The following LPP variants were observed in gnomAD, a reference collection of about 807,000 sequenced individuals.
LPP encodes the protein lipoma-preferred partner.
A neutral mutation model predicts 60.4 loss-of-function variants in LPP; 38 were observed. The observed-to-expected ratio is 0.63, with a 90% CI of 0.49 to 0.83. The LOEUF (loss-of-function observed/expected upper bound fraction) is 0.83. LPP is among the 40% of genes least tolerant of loss of function. The probability of loss-of-function intolerance (pLI) is 0.00; values close to 1 mark genes in which losing one functional copy is unlikely to be tolerated. For missense variants in LPP, 902 were observed against 783.6 expected (o/e 1.15, Z -1.80); for synonymous variants, 328 against 290.8 (o/e 1.13, Z -1.30).
intron 2 of LPP, among the ~76,000 whole-genome samples, chr3:188,285,049 T>C (rs1317895941): frequency 6.6e-6 from 1 of 151,974 alleles, no homozygotes; most frequent in Non-Finnish European, 1.5e-5. Context: ...AAACAGGGCA[T>C]GTGAGGTCAG....
chr3:188,741,247 G>T (rs546371001), intron 8 of LPP, among the ~76,000 whole-genome samples: 2 of 151,410 alleles, frequency 1.3e-5, no homozygotes, highest in African/African-American at 4.8e-5. Flanking sequence ...TTGAATTGGG[G>T]GGGGAAGGGA....
chr3:188,155,035 A>G (rs557418357), intron 1 of LPP, among the ~76,000 whole-genome samples: 1 of 152,270 alleles, frequency 6.6e-6, no homozygotes, highest in Non-Finnish European at 1.5e-5. Flanking sequence ...CGTGGGCCAG[A>G]GAAGACTAAG....
chr3:188,173,525 C>T (rs935843587), intron 1 of LPP, among the ~76,000 whole-genome samples: 5 of 148,762 alleles, frequency 3.4e-5, no homozygotes, highest in Non-Finnish European at 7.5e-5. Flanking sequence ...ACAAAAAAAA[C>T]AAACAAAAAA....
chr3:188,754,577 A>C (rs1038108911), intron 8 of LPP, among the ~76,000 whole-genome samples: 1 of 152,076 alleles, frequency 6.6e-6, no homozygotes, highest in Non-Finnish European at 1.5e-5. Context: ...TCACCTGGAG[A>C]GTTTTAAAAG....
At chr3:188,286,470 C>G (rs1743951490) in intron 2 of LPP, among the ~76,000 whole-genome samples, 1 of 152,158 alleles carries the variant, frequency 6.6e-6, no homozygotes, top group South Asian at 2.1e-4. Flanking sequence ...CCTCTCGGAT[C>G]CTCTATTTCC....
rs569552043 is a variant in LPP at position 188,349,032 on chromosome 3, C to G, written c.-10+7313C>G. ...GTCAAACTGGGATTGGATTCTAAGT[C>G]TTTCTGATCCAAAGTCCATGTTCTT... On this transcript the variant is annotated intron_variant, in intron 3 of 11. Transcript: ENST00000617246. Among the ~76,000 whole-genome samples, 460 of 152,284 alleles carry G rather than the reference C, an allele frequency of 3.0e-3. 3 individuals are homozygous for G. Among genetic ancestry groups the G allele is most frequent in the Non-Finnish European group, 5.5e-3 (371 of 68,022 alleles).
intron 9 of LPP, among the ~76,000 whole-genome samples, chr3:188,769,496 C>CA (rs1334204084): frequency 6.6e-6 from 1 of 152,210 alleles, no homozygotes; most frequent in African/African-American, 2.4e-5. Context: ...CCTAGCTGAA[C>CA]ATAACCCTTT....
chr3:188,711,535 G>A (rs1711518237), intron 8 of LPP: 1 of 151,990 alleles, frequency 6.6e-6, no homozygotes, highest in Non-Finnish European at 1.5e-5. Context: ...TGGACAGATG[G>A]GAAATAAGAG....
intron 3 of LPP, among the ~76,000 whole-genome samples, chr3:188,388,440 T>C (rs1778884280): frequency 6.6e-6 from 1 of 152,186 alleles, no homozygotes; most frequent in Non-Finnish European, 1.5e-5. Context: ...GGGACCATCC[T>C]AGCCAGATGC....
At chr3:188,166,529 A>G (rs1250189821) in intron 1 of LPP, among the ~76,000 whole-genome samples, 1 of 152,236 alleles carries the variant, frequency 6.6e-6, no homozygotes, top group East Asian at 1.9e-4. Context: ...TTTCCTACAA[A>G]TTACAGGTAA....
At chr3:188,761,337 G>A (rs1732275825) in intron 9 of LPP, among the ~76,000 whole-genome samples, 1 of 152,196 alleles carries the variant, frequency 6.6e-6, no homozygotes, top group African/African-American at 2.4e-5. Context: ...CTTGGGGTCT[G>A]TAGCACAGAT....
Position 188,884,149 on chromosome 3 carries a change from C to G in LPP, c.*9670C>G, listed in dbSNP as rs191418956. On this transcript the variant is annotated 3_prime_UTR_variant, in exon 12 of 12. Coordinates refer to ENST00000617246, the MANE Select transcript of LPP (RefSeq NM_001375462.1). ...AACTGCTTCCACACAGAAAATAGCG[C>G]AGGGAGGACAGTTATTAGTACCCCT... 2.2e-5 allele frequency: 5 copies of G among 225,702 alleles called. No individual in the cohort carries two copies. Among genetic ancestry groups the G allele is most frequent in the African/African-American group, 1.1e-4 (5 of 44,988 alleles). 14.0% of individuals were successfully genotyped at this position (225,702 alleles called of 1,614,324 possible).
At chr3:188,494,472 A>G (rs1389164725) in intron 5 of LPP, among the ~76,000 whole-genome samples, 1 of 152,138 alleles carries the variant, frequency 6.6e-6, no homozygotes, top group Non-Finnish European at 1.5e-5. Context: ...AACTCATTAA[A>G]TCACTTCAGT....
intron 1 of LPP, among the ~76,000 whole-genome samples, chr3:188,223,984 A>G (rs1475343313): frequency 2.0e-5 from 3 of 152,082 alleles, no homozygotes; most frequent in African/African-American, 4.8e-5. Context: ...ATTATACTCC[A>G]TTTTGCCTAC....
intron 3 of LPP, among the ~76,000 whole-genome samples, chr3:188,394,759 T>G (rs1484790394): frequency 6.6e-6 from 1 of 152,200 alleles, no homozygotes; most frequent in Non-Finnish European, 1.5e-5. Flanking sequence ...CTGAAACTGA[T>G]TTGAAACAGC....
chr3:188,527,236 G>A (rs141507606), intron 6 of LPP, among the ~76,000 whole-genome samples: 1 of 151,332 alleles, frequency 6.6e-6, no homozygotes, highest in African/African-American at 2.4e-5. Context: ...TGTAATCCCA[G>A]CTATTCGGGA....
At chr3:188,171,533 ATGGAGGCACAGATTGCCGGGTGGTG>A (rs1721585884) in intron 1 of LPP, among the ~76,000 whole-genome samples, 2 of 152,186 alleles carry the variant, frequency 1.3e-5, no homozygotes, top group South Asian at 4.1e-4. Flanking sequence ...AATGATTGCA[ATGGAGGCACAGATTGCCGGGTGGTG>A]GTCCTGGCCA....
intron 9 of LPP, among the ~76,000 whole-genome samples, chr3:188,814,480 T>G (rs569041287): frequency 1.3e-5 from 2 of 152,282 alleles, no homozygotes; most frequent in African/African-American, 4.8e-5. Flanking sequence ...AGTTACAACA[T>G]TAAGCTTTTC....
intron 1 of LPP, among the ~76,000 whole-genome samples, chr3:188,155,860 A>C (rs1359520258): frequency 6.6e-6 from 1 of 152,020 alleles, no homozygotes; most frequent in East Asian, 1.9e-4. Flanking sequence ...CTAAAAATAC[A>C]AAAAATTAGC....
Sources: allele counts gnomAD v4.1 joint callset (sites outside exome capture counted in the v4.1 genomes callset), GRCh38; gene constraint gnomAD v4.1.1; transcripts MANE v1.5; gene names NCBI Gene and HGNC (gene_info 2026-07-23, HGNC 2026-07-21).